The following RIMS2 variants were observed in gnomAD, a reference collection of about 807,000 sequenced individuals.
RIMS2 encodes regulating synaptic membrane exocytosis 2, also known as regulating synaptic membrane exocytosis protein 2.
RIMS2 carries 59 observed loss-of-function variants against 174.4 expected under a neutral mutation model. The ratio of observed to expected loss-of-function variants is 0.34; its 90% CI spans 0.27 to 0.42. RIMS2 has a LOEUF of 0.42. Among genes scored for constraint, RIMS2 ranks in the 10% least tolerant of loss-of-function variants. The pLI is 1.00. For missense variants in RIMS2, 1,620 were observed against 1,666.3 expected (o/e 0.97, Z 0.48); for synonymous variants, 606 against 572.5 (o/e 1.06, Z -0.84).
chr8:103,561,065 A>C (rs1270187282), intron 1 of RIMS2, among the ~76,000 whole-genome samples: 1 of 152,216 alleles, frequency 6.6e-6, no homozygotes, highest in African/African-American at 2.4e-5. Context: ...AGCTGTTCCA[A>C]ATAATTGGTC....
intron 3 of RIMS2, among the ~76,000 whole-genome samples, chr8:103,802,026 T>A (rs1043149239): frequency 7.2e-5 from 11 of 152,198 alleles, no homozygotes; most frequent in Non-Finnish European, 1.2e-4. Context: ...GAAAATTCTT[T>A]AGTAGTAAAA....
At chr8:103,899,171 G>A (rs1375486234) in intron 4 of RIMS2, among the ~76,000 whole-genome samples, 12 of 151,616 alleles carry the variant, frequency 7.9e-5, no homozygotes, top group South Asian at 6.2e-4. Flanking sequence ...GAATAATGCC[G>A]CAATAAACAT....
intron 17 of RIMS2, among the ~76,000 whole-genome samples, chr8:104,009,316 C>T (rs2095684338): frequency 6.6e-6 from 1 of 150,768 alleles, no homozygotes; most frequent in Non-Finnish European, 1.5e-5. Flanking sequence ...TTTTTTGAGA[C>T]AGGGTCTCAC....
At chr8:103,587,568 T>C (rs77692129) in intron 1 of RIMS2, among the ~76,000 whole-genome samples, 1 of 152,176 alleles carries the variant, frequency 6.6e-6, no homozygotes, top group African/African-American at 2.4e-5. Flanking sequence ...TCATTCCTCA[T>C]GACAAAATGG....
intron 1 of RIMS2, among the ~76,000 whole-genome samples, chr8:103,552,098 C>A (rs565061491): frequency 2.6e-5 from 4 of 152,246 alleles, no homozygotes; most frequent in East Asian, 3.9e-4. Context: ...TTGGAAAAAA[C>A]TACTTTAAAG....
chr8:104,226,150 T>TC (rs1449692388), intron 19 of RIMS2, among the ~76,000 whole-genome samples: 2 of 152,192 alleles, frequency 1.3e-5, no homozygotes, highest in African/African-American at 4.8e-5. Flanking sequence ...AGAAAATCCA[T>TC]CCCACTGTAT....
intron 1 of RIMS2, among the ~76,000 whole-genome samples, chr8:103,569,907 A>T (rs1018919352): frequency 6.6e-6 from 1 of 151,600 alleles, no homozygotes; most frequent in Admixed American, 6.6e-5. Context: ...TGCTGGGATT[A>T]TAGGTGTGAG....
In RIMS2 at chr8:103,922,624, AT is replaced by A. The variant is rs1424887122; in HGVS notation, c.2196+844del. 3.5e-5 allele frequency: 14 copies of A among 399,690 alleles called. 1 individual carries two copies. Among genetic ancestry groups the A allele is most frequent in the Non-Finnish European group, 6.0e-5 (12 of 199,998 alleles). 24.8% of individuals were successfully genotyped at this position (399,690 alleles called of 1,614,324 possible). On this transcript the variant is annotated intron_variant, in intron 10 of 23. Coordinates refer to ENST00000504942, the Ensembl canonical transcript of RIMS2. ...TAGGTTGTCAAAATTCAGACCTTGA[AT>A]TTTGGATTAAAAAAAAGTTACAGTT...
intron 16 of RIMS2, among the ~76,000 whole-genome samples, chr8:103,984,751 A>G (rs2094209401): frequency 2.0e-5 from 3 of 152,224 alleles, no homozygotes; most frequent in Admixed American, 2.0e-4. Context: ...TTGCCCTGTC[A>G]TATTTGTTGC....
chr8:103,780,386 C>G (rs1564604757), intron 3 of RIMS2, among the ~76,000 whole-genome samples: 1 of 152,030 alleles, frequency 6.6e-6, no homozygotes, highest in Non-Finnish European at 1.5e-5. Context: ...TAGATTTGGT[C>G]TTTTCTGGTA....
chr8:103,968,443 T>C (rs1433638481), intron 15 of RIMS2, among the ~76,000 whole-genome samples: 1 of 152,022 alleles, frequency 6.6e-6, no homozygotes, highest in African/African-American at 2.4e-5. Context: ...GAGCATTTCA[T>C]ATGATTCCTT....
rs543904599 is a variant in RIMS2, at chr8:104,111,109, CAGAT to C, written c.3334+96495_3334+96498del. Among the ~76,000 whole-genome samples the C allele has an allele frequency of 5.9e-5, 9 of 152,058 alleles. 1 individual carries two copies. The South Asian group carries it at 1.9e-3, about 32-fold the overall frequency. ...TTGATATTATCTCTAAAAAAGCTGACAGATGGAACTAGCAAATGAATTGTAAAAT... is the reference window on the plus strand; with the variant it reads ...TTGATATTATCTCTAAAAAAGCTGACGGAACTAGCAAATGAATTGTAAAAT... On this transcript the variant is annotated intron_variant, in intron 19 of 23. Transcript: ENST00000504942.
At chr8:104,251,400 T>C (rs1183746509) in intron 23 of RIMS2, among the ~76,000 whole-genome samples, 1 of 152,230 alleles carries the variant, frequency 6.6e-6, no homozygotes, top group Non-Finnish European at 1.5e-5. Context: ...GGATTTCTTA[T>C]GACCTTAATG....
At chr8:103,913,944 A>G (rs2076204248) in intron 6 of RIMS2, among the ~76,000 whole-genome samples, 1 of 152,184 alleles carries the variant, frequency 6.6e-6, no homozygotes. Context: ...TCCAAACTAT[A>G]TCAGACTACT....
chr8:104,156,427 G>GA (rs2098724611), intron 19 of RIMS2, among the ~76,000 whole-genome samples: 1 of 152,094 alleles, frequency 6.6e-6, no homozygotes, highest in Admixed American at 6.5e-5. Flanking sequence ...GAGTGCCCAG[G>GA]AAAAAGAGCA....
At chr8:104,050,925 T>C (rs1340144194) in intron 19 of RIMS2, among the ~76,000 whole-genome samples, 1 of 152,174 alleles carries the variant, frequency 6.6e-6, no homozygotes, top group African/African-American at 2.4e-5. Flanking sequence ...ATATCTGTGA[T>C]GAAAACATAA....
chr8:103,503,102 T>G (rs1371678722), intron 1 of RIMS2, among the ~76,000 whole-genome samples: 1 of 151,960 alleles, frequency 6.6e-6, no homozygotes, highest in Non-Finnish European at 1.5e-5. Context: ...TCTATAAAAT[T>G]ACATTGATGA....
intron 15 of RIMS2, among the ~76,000 whole-genome samples, chr8:103,964,039 C>CT (rs1319690345): frequency 3.9e-5 from 6 of 152,122 alleles, no homozygotes; most frequent in African/African-American, 7.2e-5. Context: ...ATTCCATTGT[C>CT]TGGATATACC....
chr8:103,633,844 G>A (rs2096007118), intron 1 of RIMS2, among the ~76,000 whole-genome samples: 1 of 151,972 alleles, frequency 6.6e-6, no homozygotes, highest in Non-Finnish European at 1.5e-5. Flanking sequence ...AGTTTCTGAT[G>A]GTTGTTCCTA....
Sources: gnomAD v4.1 joint callset for allele counts (sites outside exome capture counted in the v4.1 genomes callset) on GRCh38, gnomAD v4.1.1 for gene constraint, MANE v1.5 for transcripts, NCBI Gene and HGNC (gene_info 2026-07-23, HGNC 2026-07-21) for gene names.